Variants in PIP5K1B observed in about 807,000 individuals in gnomAD.
PIP5K1B encodes phosphatidylinositol 4-phosphate 5-kinase type-1 beta.
A neutral mutation model predicts 67.0 loss-of-function variants in PIP5K1B; 42 were observed. That is an observed-to-expected ratio of 0.63 (90% CI 0.49 to 0.81). The LOEUF (loss-of-function observed/expected upper bound fraction) is 0.81, where lower values mean the gene tolerates loss of function less well. PIP5K1B is among the 30% of genes least tolerant of loss of function. The pLI, the probability that PIP5K1B is intolerant of heterozygous loss-of-function variation, is 0.00. For synonymous variants in PIP5K1B, 214 were observed against 231.4 expected (o/e 0.92, Z 0.68); for missense variants, 459 against 646.3 (o/e 0.71, Z 3.14).
At chr9:68,939,235 C>A (rs918577155) in intron 13 of PIP5K1B, among the ~76,000 whole-genome samples, 1 of 152,192 alleles carries the variant, frequency 6.6e-6, no homozygotes, top group African/African-American at 2.4e-5. Context: ...TGAGGGGTCA[C>A]CTTCCCAATG....
At chr9:68,873,281 CTTTTTTT>C (rs772335388) in intron 5 of PIP5K1B, among the ~76,000 whole-genome samples, 2 of 90,630 alleles carry the variant, frequency 2.2e-5, no homozygotes, top group Admixed American at 1.3e-4. Flanking sequence ...ACTTTCTGAT[CTTTTTTT>C]TTTTTTTTTT....
intron 2 of PIP5K1B, among the ~76,000 whole-genome samples, chr9:68,810,101 C>T (rs1439307877): frequency 6.6e-6 from 1 of 152,236 alleles, no homozygotes; most frequent in Non-Finnish European, 1.5e-5. Context: ...AAATTATCTT[C>T]CAATTGCTTT....
chr9:68,924,712 C>A (rs1418847413), intron 12 of PIP5K1B, among the ~76,000 whole-genome samples: 1 of 151,972 alleles, frequency 6.6e-6, no homozygotes, highest in Non-Finnish European at 1.5e-5. Flanking sequence ...GATAATTTAG[C>A]CATACACAAC....
At chr9:68,889,750 A>C (rs968305680) in intron 7 of PIP5K1B, among the ~76,000 whole-genome samples, 28 of 151,968 alleles carry the variant, frequency 1.8e-4, no homozygotes, top group Non-Finnish European at 8.8e-5. Flanking sequence ...AAAAAAAAAA[A>C]AAAAGCTGGG....
At chr9:68,809,491 A>T (rs1355475616) in intron 2 of PIP5K1B, among the ~76,000 whole-genome samples, 1 of 152,134 alleles carries the variant, frequency 6.6e-6, no homozygotes, top group African/African-American at 2.4e-5. Context: ...TCTGGCACAA[A>T]ATTTAAGAGG....
At chr9:68,780,078 CGGCGGCAGCGGCGGCG>C in intron 2 of PIP5K1B, 5 of 1,373,432 alleles carry the variant, frequency 3.6e-6, no homozygotes, top group East Asian at 2.7e-5. Context: ...TTCTCGGTGG[CGGCGGCAGCGGCGGCG>C]GCCCTGGACT....
At chr9:68,753,209 A>G (rs1829723844) in intron 2 of PIP5K1B, among the ~76,000 whole-genome samples, 5 of 151,968 alleles carry the variant, frequency 3.3e-5, no homozygotes, top group Admixed American at 3.3e-4. Context: ...TTTAAAGAAC[A>G]GAATAGGTAA....
intron 5 of PIP5K1B, among the ~76,000 whole-genome samples, chr9:68,873,281 CTTT>C (rs772335388): frequency 5.5e-5 from 5 of 90,624 alleles, no homozygotes; most frequent in Non-Finnish European, 8.4e-5. Flanking sequence ...ACTTTCTGAT[CTTT>C]TTTTTTTTTT....
intron 2 of PIP5K1B, among the ~76,000 whole-genome samples, chr9:68,748,613 CTTT>C (rs58954806): frequency 6.1e-5 from 6 of 98,268 alleles, no homozygotes; most frequent in Non-Finnish European, 7.9e-5. Context: ...GATTTCTTTT[CTTT>C]TTTTTTTTTT....
intron 2 of PIP5K1B, among the ~76,000 whole-genome samples, chr9:68,801,808 C>A (rs1267389142): frequency 6.6e-6 from 1 of 152,196 alleles, no homozygotes; most frequent in African/African-American, 2.4e-5. Context: ...CTTGTTTTGT[C>A]TTTTGACTGT....
intron 4 of PIP5K1B, among the ~76,000 whole-genome samples, chr9:68,855,726 A>T (rs966204111): frequency 6.6e-6 from 1 of 152,154 alleles, no homozygotes; most frequent in South Asian, 2.1e-4. Flanking sequence ...TCTCTATATG[A>T]ACCACTACAA....
intron 2 of PIP5K1B, chr9:68,780,678 C>G: frequency 6.2e-7 from 1 of 1,614,212 alleles, no homozygotes; most frequent in Non-Finnish European, 8.5e-7. Context: ...CGGATTGCCT[C>G]CAAGCCCTAT....
chr9:68,861,027 G>T (rs1340212248), intron 4 of PIP5K1B, among the ~76,000 whole-genome samples: 1 of 152,178 alleles, frequency 6.6e-6, no homozygotes, highest in Non-Finnish European at 1.5e-5. Flanking sequence ...ACATTAGTAT[G>T]TGCTATGATT....
intron 2 of PIP5K1B, among the ~76,000 whole-genome samples, chr9:68,748,920 G>T (rs950117817): frequency 2.6e-5 from 4 of 152,106 alleles, no homozygotes; most frequent in Non-Finnish European, 5.9e-5. Context: ...CCAGGTTTCA[G>T]ATCTTTTCTC....
chr9:68,956,885 A>G (rs1564268995), intron 14 of PIP5K1B, among the ~76,000 whole-genome samples: 1 of 152,194 alleles, frequency 6.6e-6, no homozygotes, highest in African/African-American at 2.4e-5. Context: ...AGCCCCCAGC[A>G]TAGTTCACCT....
chr9:68,847,555 G>A (rs753072529), intron 4 of PIP5K1B, among the ~76,000 whole-genome samples: 11 of 151,162 alleles, frequency 7.3e-5, no homozygotes, highest in Admixed American at 1.3e-4. Context: ...TCCTAATCTT[G>A]TTTTACTTAA....
intron 1 of PIP5K1B, among the ~76,000 whole-genome samples, chr9:68,732,884 C>T (rs1828512667): frequency 7.5e-6 from 1 of 133,144 alleles, no homozygotes; most frequent in Admixed American, 8.5e-5. Context: ...ATGAAAAGCT[C>T]ATAATCCGTT....
At chr9:68,887,050 G>A (rs1214558429) in intron 6 of PIP5K1B, among the ~76,000 whole-genome samples, 1 of 152,174 alleles carries the variant, frequency 6.6e-6, no homozygotes, top group South Asian at 2.1e-4. Flanking sequence ...TTGCTGCCTG[G>A]TCTCAACCTC....
At chr9:68,721,992 A>G (rs369904110) in intron 1 of PIP5K1B, among the ~76,000 whole-genome samples, 1 of 152,248 alleles carries the variant, frequency 6.6e-6, no homozygotes, top group Non-Finnish European at 1.5e-5. Context: ...CTCTGAGCCC[A>G]CTGATCCCCA....
Sources: gnomAD v4.1 joint callset for allele counts (sites outside exome capture counted in the v4.1 genomes callset) on GRCh38, gnomAD v4.1.1 for gene constraint, MANE v1.5 for transcripts, NCBI Gene and HGNC (gene_info 2026-07-23, HGNC 2026-07-21) for gene names.